WBP1L: variants seen among roughly 807,000 people sequenced by gnomAD.
WBP1L encodes the protein WW domain binding protein 1 like.
WBP1L carries 17 observed loss-of-function variants against 33.7 expected under a neutral mutation model. The observed-to-expected ratio is 0.50, with a 90% confidence interval of 0.34 to 0.76. The LOEUF is 0.76. Among genes scored for constraint, WBP1L ranks in the 30% least tolerant of loss-of-function variants. The probability of loss-of-function intolerance (pLI) is 0.01; values close to 1 mark genes in which losing one functional copy is unlikely to be tolerated. For missense variants in WBP1L, 389 were observed against 469.4 expected, an observed-to-expected ratio of 0.83 and a Z score of 1.58; for synonymous variants, 173 against 190.8, an observed-to-expected ratio of 0.91 and a Z score of 0.77.
chr10:102,744,484 G>A lies in WBP1L; in HGVS notation c.90+341G>A. The A allele has an allele frequency of 4.1e-6, 4 of 985,354 alleles. No individual in the cohort carries two copies. In the South Asian group the frequency reaches 1.4e-4, roughly 35 times the overall value. 61.0% of individuals were successfully genotyped at this position (985,354 alleles called of 1,614,324 possible). A position where few individuals can be genotyped will look rare whatever the true frequency, so the allele number is the denominator to read the frequency against. The stretch of plus-strand genomic sequence containing the variant: ...CTCTGTGGAGCAGGTGTCCCAGGCA[G>A]TAATGCAGTATGTACGTCTGTGTGT... On this transcript the variant is annotated intron_variant, in intron 1 of 3. Transcript: ENST00000448841.
rs774330495 is a variant in WBP1L, at chr10:102,812,665, A to G, written c.426A>G (p.Pro142=). ...VVNRPPTPPP[P]YSAFQLQQQQ... is the part of the protein sequence containing the mutation. ...ACCGACCTCCAACTCCTCCCCCACC[A>G]TACAGTGCCTTCCAGCTACAGCAGC... Residue 142 remains proline, a synonymous_variant, in exon 4 of 4, where the codon CCA becomes CCG. Coordinates refer to ENST00000448841, the MANE Select transcript of WBP1L (RefSeq NM_001083913.2). 1.2e-6 allele frequency: 2 copies of G among 1,612,960 alleles called. No individual in the cohort carries two copies. The highest frequency in any genetic ancestry group is 1.7e-6 in the Non-Finnish European group (2 of 1,179,502).
chr10:102,805,445 T>C (rs1424034469), intron 2 of WBP1L, among the ~76,000 whole-genome samples: 3 of 151,834 alleles, frequency 2.0e-5, no homozygotes, highest in South Asian at 2.1e-4. Context: ...TGGCTATCTT[T>C]TTTTTTTTTA....
intron 1 of WBP1L, among the ~76,000 whole-genome samples, chr10:102,789,097 C>T (rs1235777246): frequency 6.6e-6 from 1 of 152,096 alleles, no homozygotes; most frequent in Non-Finnish European, 1.5e-5. Flanking sequence ...GTAGCTGGGA[C>T]TACAGGTGCG....
intron 2 of WBP1L, among the ~76,000 whole-genome samples, chr10:102,805,504 C>T (rs775843599): frequency 1.3e-5 from 2 of 151,732 alleles, no homozygotes; most frequent in Non-Finnish European, 2.9e-5. Flanking sequence ...AAGAAGCAAT[C>T]CTCTCATCTC....
chr10:102,798,102 C>A lies in WBP1L; in HGVS notation c.193+7C>A. 1 of 1,613,270 alleles carries A rather than the reference C, an allele frequency of 6.2e-7. No homozygotes were observed. Among genetic ancestry groups the A allele is most frequent in the Non-Finnish European group, 8.5e-7 (1 of 1,179,342 alleles). On this transcript the variant is annotated splice_region_variant and intron_variant, in intron 2 of 3. Coordinates refer to ENST00000448841, the MANE Select transcript of WBP1L (RefSeq NM_001083913.2). Reference sequence around the variant, plus strand: ...TACTACTATGAACTCTGGTGTAAGTCCTTGCTTGGGTGCCTCTCAGTATCC... The same window carrying A: ...TACTACTATGAACTCTGGTGTAAGTACTTGCTTGGGTGCCTCTCAGTATCC...
chr10:102,776,842 T>TG (rs1317220602), intron 1 of WBP1L, among the ~76,000 whole-genome samples: 3 of 152,076 alleles, frequency 2.0e-5, no homozygotes, highest in Admixed American at 6.6e-5. Flanking sequence ...GACTCTGTGT[T>TG]GGGGGTGGGG....
chr10:102,775,849 ATACTC>A (rs1161238211), intron 1 of WBP1L, among the ~76,000 whole-genome samples: 1 of 152,120 alleles, frequency 6.6e-6, no homozygotes, highest in Non-Finnish European at 1.5e-5. Flanking sequence ...AGGAGAAACA[ATACTC>A]TAGGAGCTAC....
intron 2 of WBP1L, among the ~76,000 whole-genome samples, chr10:102,809,287 A>G (rs187733704): frequency 0.014 from 2,115 of 152,168 alleles, 32 homozygotes; most frequent in Middle Eastern, 0.041. Flanking sequence ...CATGTTGGCC[A>G]GGCTGGTCTT....
At chr10:102,767,856 G>T (rs1450767017) in intron 1 of WBP1L, among the ~76,000 whole-genome samples, 1 of 152,150 alleles carries the variant, frequency 6.6e-6, no homozygotes, top group Non-Finnish European at 1.5e-5. Flanking sequence ...GAAAAACTGT[G>T]CTGGTCAAAG....
At chr10:102,799,958 A>G (rs1843631626) in intron 2 of WBP1L, among the ~76,000 whole-genome samples, 1 of 152,194 alleles carries the variant, frequency 6.6e-6, no homozygotes. Context: ...GGACGGGCTC[A>G]TCTGCCTTTC....
chr10:102,783,926 T>A (rs1202903701), intron 1 of WBP1L, among the ~76,000 whole-genome samples: 1 of 152,138 alleles, frequency 6.6e-6, no homozygotes, highest in African/African-American at 2.4e-5. Context: ...AAAGGGGAAA[T>A]AGGTAGAGCT....
At chr10:102,771,237 G>A (rs1843182659) in intron 1 of WBP1L, among the ~76,000 whole-genome samples, 1 of 152,176 alleles carries the variant, frequency 6.6e-6, no homozygotes, top group Admixed American at 6.5e-5. Flanking sequence ...AGGTAGCTGT[G>A]AGCATGTATG....
chr10:102,776,148 G>A (rs889582974), intron 1 of WBP1L: 18 of 1,400,156 alleles, frequency 1.3e-5, no homozygotes, highest in Middle Eastern at 2.7e-4. Context: ...GCTTTGCTGC[G>A]TCTGAGATAT....
In WBP1L at chr10:102,812,767, G is replaced by A; in HGVS notation, c.528G>A (p.Gly176=). Reference sequence around the variant, plus strand: ...TCGATCCCACCAGGGGATCCCAGGGGGCACAGAGCAGCCCCTTGTCTGAGC... The same window carrying A: ...TCGATCCCACCAGGGGATCCCAGGGAGCACAGAGCAGCCCCTTGTCTGAGC... ...PGIDPTRGSQ[G]AQSSPLSEPS... is the part of the protein sequence containing the mutation. The change falls in exon 4 of 4, where the codon GGG becomes GGA. Residue 176 remains glycine (G), a synonymous_variant. Coordinates refer to ENST00000448841, the MANE Select transcript of WBP1L (RefSeq NM_001083913.2). 6.2e-7 allele frequency: 1 copy of A among 1,613,016 alleles called. No individual in the cohort carries two copies. The highest frequency in any genetic ancestry group is 8.5e-7 in the Non-Finnish European group (1 of 1,179,530).
chr10:102,781,128 C>T (rs1186287453), intron 1 of WBP1L, among the ~76,000 whole-genome samples: 1 of 152,122 alleles, frequency 6.6e-6, no homozygotes, highest in Non-Finnish European at 1.5e-5. Flanking sequence ...GGGCTGATGC[C>T]GAATGTGACA....
chr10:102,758,652 CAA>C (rs918465291), intron 1 of WBP1L, among the ~76,000 whole-genome samples: 3 of 152,250 alleles, frequency 2.0e-5, no homozygotes, highest in Admixed American at 6.5e-5. Flanking sequence ...AGACACAAGA[CAA>C]AGAGATAAAG....
chr10:102,813,321 C>G lies in WBP1L; in HGVS notation c.1082C>G (p.Ser361Cys). Residue 361 changes from serine (S) to cysteine (C), a missense_variant, in exon 4 of 4, where the codon TCC (serine) becomes TGC (cysteine). By Grantham distance (112) the Ser-to-Cys change is moderately radical (BLOSUM62 -1). Coordinates refer to ENST00000448841, the MANE Select transcript of WBP1L (RefSeq NM_001083913.2). ...QDSPNSQSSS[S>C]PS ...TCTCCCAACTCCCAGAGCAGCAGCT[C>G]CCCCAGCTAGAGCAGGTCCTGCCAG... is the stretch of plus-strand genomic sequence containing the variant. The G allele has an allele frequency of 6.2e-7, 1 of 1,607,284 alleles. No individual in the cohort carries two copies.
chr10:102,746,190 G>C (rs956888771), intron 1 of WBP1L: 2 of 984,336 alleles, frequency 2.0e-6, no homozygotes, highest in Admixed American at 6.2e-5. Flanking sequence ...TGAACATGTG[G>C]AAGGGGATTG....
In WBP1L at chr10:102,744,153, A is replaced by T; in HGVS notation, c.90+10A>T. 2 of 1,540,776 alleles carry T rather than the reference A, an allele frequency of 1.3e-6. No individual in the cohort carries two copies. Among genetic ancestry groups the T allele is most frequent in the Non-Finnish European group, 1.8e-6 (2 of 1,141,394 alleles). ...GGCTGAACCCCCGCAGGTAAGGGGGAGGGGGCGTCTGGGCCATGTTGGGTC... is the reference window on the plus strand; with the variant it reads ...GGCTGAACCCCCGCAGGTAAGGGGGTGGGGGCGTCTGGGCCATGTTGGGTC... On this transcript the variant is annotated intron_variant, in intron 1 of 3. Transcript: ENST00000448841.
Sources: allele counts gnomAD v4.1 joint callset (sites outside exome capture counted in the v4.1 genomes callset), GRCh38; gene constraint gnomAD v4.1.1; transcripts MANE v1.5; gene names NCBI Gene and HGNC (gene_info 2026-07-23, HGNC 2026-07-21).